ATP1B1: variants seen among roughly 807,000 people sequenced by gnomAD.
ATP1B1 encodes sodium/potassium-transporting ATPase subunit beta-1.
ATP1B1 carries 3 observed loss-of-function variants against 39.6 expected under a neutral mutation model. The observed-to-expected ratio is 0.08, with a 90% CI of 0.03 to 0.20. The LOEUF is 0.20. Ranked by LOEUF, ATP1B1 falls within the 10% of genes least tolerant of loss-of-function variation. ATP1B1 has a pLI of 1.00. For synonymous variants in ATP1B1, 139 were observed against 135.0 expected (o/e 1.03, Z -0.20); for missense variants, 216 against 371.1 (o/e 0.58, Z 3.43).
chr1:169,114,762 G>C (rs975725651), intron 2 of ATP1B1, among the ~76,000 whole-genome samples: 20 of 152,140 alleles, frequency 1.3e-4, no homozygotes, highest in Admixed American at 7.9e-4. Flanking sequence ...GGTAGCTCAT[G>C]CCTGTAATCC....
chr1:169,111,274 G>A (rs935636747), intron 1 of ATP1B1, 96 bp from the exon 2 acceptor site: 10 of 1,514,044 alleles, frequency 6.6e-6, no homozygotes, highest in East Asian at 2.3e-5. Flanking sequence ...GGGACCGGGG[G>A]AACCAGGAAG....
At chr1:169,113,218 A>T (rs1657765188) in intron 2 of ATP1B1, among the ~76,000 whole-genome samples, 1 of 151,928 alleles carries the variant, frequency 6.6e-6, no homozygotes, top group African/African-American at 2.4e-5. Flanking sequence ...GGCATGCACC[A>T]CCATGCCTGG....
intron 2 of ATP1B1, among the ~76,000 whole-genome samples, chr1:169,112,511 T>C (rs900021644): frequency 6.6e-6 from 1 of 152,250 alleles, no homozygotes. Flanking sequence ...GGCAAAGGTT[T>C]AGTAACAGCT....
At chr1:169,111,314 C>T (rs1292745353) in intron 1 of ATP1B1, 56 bp from the exon 2 acceptor site, 1 of 1,602,624 alleles carries the variant, frequency 6.2e-7, no homozygotes, top group Non-Finnish European at 8.5e-7. Flanking sequence ...GAAGATTAAA[C>T]TTTCATTCTG....
At chr1:169,125,607 GACATGAAT>G (rs1266593364) in intron 3 of ATP1B1, among the ~76,000 whole-genome samples, 9 of 152,134 alleles carry the variant, frequency 5.9e-5, no homozygotes, top group African/African-American at 2.4e-5. Flanking sequence ...TTAAGTCATT[GACATGAAT>G]ACATGTCCTC....
intron 1 of ATP1B1, among the ~76,000 whole-genome samples, chr1:169,109,957 C>T (rs966897893): frequency 5.5e-4 from 83 of 152,232 alleles, no homozygotes; most frequent in African/African-American, 2.0e-3. Context: ...AACCCTTGTC[C>T]TGCGGGGAGG....
At chr1:169,119,557 G>A (rs1203546697) in intron 2 of ATP1B1, among the ~76,000 whole-genome samples, 1 of 152,218 alleles carries the variant, frequency 6.6e-6, no homozygotes, top group East Asian at 1.9e-4. Context: ...AGAGGGGCAT[G>A]ATGGGAGAAA....
At chr1:169,118,020 T>G (rs2101782432) in intron 2 of ATP1B1, among the ~76,000 whole-genome samples, 1 of 152,376 alleles carries the variant, frequency 6.6e-6, no homozygotes, top group African/African-American at 2.4e-5. Context: ...AGGATTTATC[T>G]ATTTGTTTAT....
rs1415242482 is a variant in ATP1B1, at chr1:169,124,973, G to C, written c.316G>C (p.Val106Leu). 1 of 1,613,938 alleles carries C rather than the reference G, an allele frequency of 6.2e-7. No individual in the cohort carries two copies. Among genetic ancestry groups the C allele is most frequent in the African/African-American group, 1.3e-5 (1 of 75,032 alleles). Residue 106 changes from valine (V) to leucine (L), a missense_variant, in exon 3 of 6, where the codon GTT (valine) becomes CTT (leucine). By Grantham distance (32) the Val-to-Leu change is conservative. Coordinates refer to ENST00000367815, the MANE Select transcript of ATP1B1 (RefSeq NM_001677.4). ...CTATGAGGCATATGTACTGAACATA[G>C]TTAGGTTCCTGGAAAAGTACAAAGA... is the stretch of plus-strand genomic sequence containing the variant. ...KSYEAYVLNI[V>L]RFLEKYKDSA...
chr1:169,123,416 G>C (rs1184990835), intron 2 of ATP1B1, among the ~76,000 whole-genome samples: 4 of 151,934 alleles, frequency 2.6e-5, no homozygotes, highest in Non-Finnish European at 5.9e-5. Flanking sequence ...GGGGTGGGAA[G>C]CCAGGGTAGA....
Position 169,106,835 on chromosome 1 carries a change from C to T in ATP1B1, c.6C>T (p.Ala2=), listed in dbSNP as rs1657602215. 1 of 1,578,506 alleles carries T rather than the reference C, an allele frequency of 6.3e-7. No individual in the cohort carries two copies. Among genetic ancestry groups the T allele is most frequent in the South Asian group, 1.1e-5 (1 of 87,290 alleles). The change falls in exon 1 of 6, where the codon GCC becomes GCT. Residue 2 remains alanine, a synonymous_variant. Transcript: ENST00000367815. M[A]RGKAKEEGSW... ...GCTGCTGACCCGCCATCGCCATGGC[C>T]CGCGGGAAAGCCAAGGAGGAGGGCA...
At chr1:169,129,011 C>G (rs1401929144) in intron 4 of ATP1B1, among the ~76,000 whole-genome samples, 1 of 152,208 alleles carries the variant, frequency 6.6e-6, no homozygotes. Flanking sequence ...CAGCATCTCA[C>G]TATCCTCACC....
At chr1:169,123,672 A>G (rs1322910200) in intron 2 of ATP1B1, among the ~76,000 whole-genome samples, 2 of 151,232 alleles carry the variant, frequency 1.3e-5, no homozygotes, top group African/African-American at 4.9e-5. Context: ...TGTCACCCAG[A>G]CTGGAGTGCA....
Position 169,106,701 on chromosome 1 carries a change from C to T in ATP1B1, c.-129C>T, listed in dbSNP as rs2101769011. 1 of 633,860 alleles carries T rather than the reference C, an allele frequency of 1.6e-6. No individual in the cohort carries two copies. The allele number at this position is 633,860 out of a possible 1,614,324, so 39.3% of individuals were successfully genotyped here. On this transcript the variant is annotated 5_prime_UTR_variant, in exon 1 of 6. Transcript: ENST00000367815. Reference sequence around the variant, plus strand: ...GCCGCGCGTCTCGCACTCCGAGAGCCGCAGCGGCAGCGGCGCGTCCTGCCT... The same window carrying T: ...GCCGCGCGTCTCGCACTCCGAGAGCTGCAGCGGCAGCGGCGCGTCCTGCCT...
chr1:169,132,186 A>C lies in ATP1B1; in HGVS notation c.*631A>C. On this transcript the variant is annotated 3_prime_UTR_variant, in exon 6 of 6. Transcript: ENST00000367815. The stretch of plus-strand genomic sequence containing the variant: ...TTTGTCATGGGGGAACTGCCCTTTA[A>C]ATTTTAAGTGACACTACAGAAAAAC... 1.5e-6 allele frequency: 1 copy of C among 651,928 alleles called. No homozygotes were observed. The highest frequency in any genetic ancestry group is 2.9e-6 in the Non-Finnish European group (1 of 349,468). 40.4% of individuals were successfully genotyped at this position (651,928 alleles called of 1,614,324 possible). A position where few individuals can be genotyped will look rare whatever the true frequency, so the allele number is the denominator to read the frequency against.
chr1:169,112,342 A>G (rs1012270756), intron 2 of ATP1B1, among the ~76,000 whole-genome samples: 2 of 152,274 alleles, frequency 1.3e-5, no homozygotes, highest in Non-Finnish European at 2.9e-5. Context: ...AGGCAGTGGA[A>G]TAGCCACAAA....
At position 169,106,849 on chromosome 1, in the gene ATP1B1, A is replaced by G. The variant is rs1657602778; in HGVS notation, c.20A>G (p.Lys7Arg). The change falls in exon 1 of 6, where the codon AAG becomes AGG. Residue 7 changes from lysine to arginine, a missense_variant. By Grantham distance (26) the Lys-to-Arg change is conservative. Transcript: ENST00000367815. ...ATCGCCATGGCCCGCGGGAAAGCCA[A>G]GGAGGAGGGCAGCTGGAAGAAATTC... MARGKA[K>R]EEGSWKKFIW... is the part of the protein sequence containing the mutation. The G allele has an allele frequency of 1.9e-6, 3 of 1,583,654 alleles. No individual in the cohort carries two copies. Among genetic ancestry groups the G allele is most frequent in the Admixed American group, 1.8e-5 (1 of 57,000 alleles).
chr1:169,120,020 A>C (rs1346670218), intron 2 of ATP1B1, among the ~76,000 whole-genome samples: 1 of 152,078 alleles, frequency 6.6e-6, no homozygotes, highest in African/African-American at 2.4e-5. Flanking sequence ...AGACCTCATC[A>C]AAAACTGTCC....
intron 2 of ATP1B1, among the ~76,000 whole-genome samples, chr1:169,124,161 G>A (rs546658869): frequency 2.5e-4 from 38 of 152,256 alleles, no homozygotes; most frequent in Middle Eastern, 3.4e-3. Context: ...TGAAGGCAGC[G>A]GCTTTTGGAT....
Sources: allele counts gnomAD v4.1 joint callset (sites outside exome capture counted in the v4.1 genomes callset), GRCh38; gene constraint gnomAD v4.1.1; transcripts MANE v1.5; gene names NCBI Gene and HGNC (gene_info 2026-07-23, HGNC 2026-07-21).